Variants in PCDH15 observed in about 807,000 individuals in gnomAD.
PCDH15 encodes protocadherin related 15.
PCDH15 carries 129 observed loss-of-function variants against 178.5 expected under a neutral mutation model. The observed-to-expected ratio is 0.72, with a 90% confidence interval of 0.63 to 0.84. The LOEUF (loss-of-function observed/expected upper bound fraction) is 0.84, where lower values mean the gene tolerates loss of function less well. Among genes scored for constraint, PCDH15 ranks in the 40% least tolerant of loss-of-function variants. The probability of loss-of-function intolerance (pLI) is 0.00; values close to 1 mark genes in which losing one functional copy is unlikely to be tolerated. For missense variants in PCDH15, 2,230 were observed against 2,099.9 expected (o/e 1.06, Z -1.21); for synonymous variants, 800 against 732.0 (o/e 1.09, Z -1.50).
chr10:54,835,412 C>G (rs537740576), intron 3 of PCDH15, among the ~76,000 whole-genome samples: 106 of 152,272 alleles, frequency 7.0e-4, no homozygotes, highest in African/African-American at 2.1e-3. Flanking sequence ...TTCTCCATCT[C>G]TCTTTCTCAT....
chr10:54,822,110 G>A (rs1953052280), intron 3 of PCDH15, among the ~76,000 whole-genome samples: 1 of 152,090 alleles, frequency 6.6e-6, no homozygotes, highest in Non-Finnish European at 1.5e-5. Context: ...CAATCAATAA[G>A]GGTAATTGGG....
intron 2 of PCDH15, among the ~76,000 whole-genome samples, chr10:54,585,861 G>T (rs973604004): frequency 2.6e-5 from 4 of 152,036 alleles, no homozygotes; most frequent in African/African-American, 9.7e-5. Flanking sequence ...TTCCTTTCCT[G>T]TGGGTAGGGC....
At chr10:55,581,901 T>A (rs1842623390) in intron 2 of PCDH15, among the ~76,000 whole-genome samples, 1 of 151,940 alleles carries the variant, frequency 6.6e-6, no homozygotes, top group Non-Finnish European at 1.5e-5. Context: ...CAGGCTGGAG[T>A]GCAGTGGCAC....
chr10:54,066,726 CAT>C, intron 18 of PCDH15, 29 bp downstream of exon 18: 1 of 1,603,702 alleles, frequency 6.2e-7, no homozygotes, highest in Non-Finnish European at 8.5e-7. Flanking sequence ...TGAAAAACTA[CAT>C]ATAAGATCTA....
chr10:54,196,024 C>T, intron 10 of PCDH15, 135 bp from the exon 11 acceptor site: 1 of 723,468 alleles, frequency 1.4e-6, no homozygotes, highest in Non-Finnish European at 2.3e-6. Flanking sequence ...CGTTAAAGGG[C>T]CATTTGAAAA....
At chr10:54,036,687 C>G (rs762596035) in intron 18 of PCDH15, among the ~76,000 whole-genome samples, 1 of 151,906 alleles carries the variant, frequency 6.6e-6, no homozygotes, top group Non-Finnish European at 1.5e-5. Context: ...GTTTTCTTGC[C>G]TGTTAACACA....
intron 2 of PCDH15, among the ~76,000 whole-genome samples, chr10:55,141,480 A>G (rs1417470414): frequency 6.6e-6 from 1 of 152,086 alleles, no homozygotes; most frequent in Non-Finnish European, 1.5e-5. Flanking sequence ...TTTCTCTTCC[A>G]CAGTGACTTT....
chr10:54,728,371 T>C (rs1942871150), intron 1 of PCDH15, among the ~76,000 whole-genome samples: 3 of 151,470 alleles, frequency 2.0e-5, no homozygotes. Flanking sequence ...GAAAAGACTT[T>C]TGATAAAATT....
intron 2 of PCDH15, among the ~76,000 whole-genome samples, chr10:55,621,128 G>T (rs1019034371): frequency 2.0e-5 from 3 of 151,814 alleles, no homozygotes; most frequent in Non-Finnish European, 4.4e-5. Flanking sequence ...ACTCTCCTAA[G>T]CATATTGGAA....
Position 54,058,941 on chromosome 10 carries a change from G to A in PCDH15, c.2220+7816C>T, listed in dbSNP as rs561546357. The stretch of plus-strand genomic sequence containing the variant: ...ACTCCCGACCTCAGATGATCCACCC[G>A]CCTCGGCCTCCCAAAATGCTGGGAT... On this transcript the variant is annotated intron_variant, in intron 18 of 37. Transcript: ENST00000644397. 9.2e-5 allele frequency among the ~76,000 whole-genome samples: 14 copies of A among 151,994 alleles called. No individual in the cohort carries two copies. In the East Asian group the frequency reaches 9.7e-4, roughly 11 times the overall value.
intron 2 of PCDH15, among the ~76,000 whole-genome samples, chr10:55,003,097 T>G (rs2131932434): frequency 6.6e-6 from 1 of 152,252 alleles, no homozygotes; most frequent in African/African-American, 2.4e-5. Context: ...TGATTATCAT[T>G]ATTATTCTAA....
intron 1 of PCDH15, among the ~76,000 whole-genome samples, chr10:54,732,994 A>G (rs1432667073): frequency 6.6e-6 from 1 of 151,578 alleles, no homozygotes; most frequent in Admixed American, 6.6e-5. Context: ...ATACACTTTC[A>G]GTAAACTATA....
chr10:55,476,528 A>C (rs1840065431), intron 2 of PCDH15, among the ~76,000 whole-genome samples: 1 of 152,020 alleles, frequency 6.6e-6, no homozygotes, highest in Non-Finnish European at 1.5e-5. Context: ...AATGTCCCAA[A>C]TGTTGCCATG....
intron 31 of PCDH15, 92 bp from the exon 32 acceptor site, chr10:53,827,640 A>G (rs796990064): frequency 7.1e-7 from 1 of 1,418,436 alleles, no homozygotes; most frequent in Non-Finnish European, 9.7e-7. Flanking sequence ...TCCAGTTATC[A>G]GGGGAACCCA....
intron 19 of PCDH15, 120 bp from the exon 20 acceptor site, chr10:54,020,536 C>T (rs748017636): frequency 9.0e-6 from 9 of 999,830 alleles, no homozygotes; most frequent in Admixed American, 2.0e-5. Flanking sequence ...CAAAAAGACA[C>T]GTTTTTTGTT....
chr10:54,507,129 A>G (rs537798302), intron 3 of PCDH15, among the ~76,000 whole-genome samples: 1 of 151,994 alleles, frequency 6.6e-6, no homozygotes, highest in East Asian at 1.9e-4. Flanking sequence ...TCCTTATGAG[A>G]ACATTCCAGG....
chr10:53,847,488 G>A (rs1183563897), intron 28 of PCDH15, among the ~76,000 whole-genome samples: 1 of 152,002 alleles, frequency 6.6e-6, no homozygotes, highest in African/African-American at 2.4e-5. Context: ...CATATCCTAA[G>A]TAGTGCTCTA....
chr10:54,591,858 C>T (rs1198687179), intron 2 of PCDH15, among the ~76,000 whole-genome samples: 1 of 152,122 alleles, frequency 6.6e-6, no homozygotes, highest in African/African-American at 2.4e-5. Context: ...TTAAACCTGT[C>T]ATTACAATCT....
At chr10:54,589,497 A>G (rs2091737333) in intron 2 of PCDH15, among the ~76,000 whole-genome samples, 2 of 152,128 alleles carry the variant, frequency 1.3e-5, no homozygotes, top group Admixed American at 6.5e-5. Context: ...CTGTTGGCAT[A>G]TTATATGAAC....
Sources: gnomAD v4.1 joint callset for allele counts (sites outside exome capture counted in the v4.1 genomes callset) on GRCh38, gnomAD v4.1.1 for gene constraint, MANE v1.5 for transcripts, NCBI Gene and HGNC (gene_info 2026-07-23, HGNC 2026-07-21) for gene names.